The following NACC2 variants were observed in gnomAD, a reference collection of about 807,000 sequenced individuals.
The protein encoded by NACC2 is NACC family member 2.
NACC2 carries 8 observed loss-of-function variants against 25.1 expected under a neutral mutation model. The observed-to-expected ratio is 0.32, with a 90% CI of 0.19 to 0.57. The LOEUF is 0.57. Ranked by LOEUF, NACC2 falls within the 20% of genes least tolerant of loss-of-function variation. The pLI is 0.89. For missense variants in NACC2, 644 were observed against 650.2 expected (o/e 0.99, Z 0.10); for synonymous variants, 435 against 294.7 (o/e 1.48, Z -4.88).
Position 136,067,168 on chromosome 9 carries a change from C to T in NACC2, c.-59-16588G>A, listed in dbSNP as rs564914965. Among the ~76,000 whole-genome samples, 9 of 151,528 alleles carry T rather than the reference C, an allele frequency of 5.9e-5. No individual in the cohort carries two copies. In the South Asian group the frequency reaches 6.3e-4, roughly 11 times the overall value. On this transcript the variant is annotated intron_variant, in intron 1 of 5. Transcript: ENST00000277554. ...ACTCGGGAGGCTGAGGCAGGAGAATCGCTTGAACCCGGGAGGCGGACGTTG... is the reference window on the plus strand; with the variant it reads ...ACTCGGGAGGCTGAGGCAGGAGAATTGCTTGAACCCGGGAGGCGGACGTTG...
intron 2 of NACC2, among the ~76,000 whole-genome samples, chr9:136,029,822 G>C (rs1052993691): frequency 3.6e-4 from 55 of 152,180 alleles, no homozygotes; most frequent in African/African-American, 1.2e-3. Flanking sequence ...CCTGGAGCTT[G>C]CTCGCTCACA....
rs1159962317 is a variant in NACC2, at chr9:136,055,763, G to T, written c.-59-5183C>A. ...GTGGTAGAGGAAGGAGAGAGGCGGGGCACGGGAAACGTTCTGCGGAGGGGA... is the reference window on the plus strand; with the variant it reads ...GTGGTAGAGGAAGGAGAGAGGCGGGTCACGGGAAACGTTCTGCGGAGGGGA... On this transcript the variant is annotated intron_variant, in intron 1 of 5. Coordinates refer to ENST00000277554, the MANE Select transcript of NACC2 (RefSeq NM_144653.5). The surrounding 1 kb of genome is among the most constrained non-coding windows in gnomAD (Gnocchi z 4.9). 6.6e-6 allele frequency among the ~76,000 whole-genome samples: 1 copy of T among 152,210 alleles called. No homozygotes were observed. The highest frequency in any genetic ancestry group is 1.5e-5 in the Non-Finnish European group (1 of 68,030).
intron 5 of NACC2, among the ~76,000 whole-genome samples, chr9:136,012,821 G>A (rs1049556609): frequency 1.3e-5 from 2 of 152,368 alleles, no homozygotes; most frequent in East Asian, 3.9e-4. Flanking sequence ...CCTGGAGATG[G>A]ACCGGGCTCC....
intron 1 of NACC2, among the ~76,000 whole-genome samples, chr9:136,093,806 TGGCTGAGAGGTGGCGGGTGGGGCGGG>T (rs1830457426): frequency 1.2e-5 from 1 of 83,018 alleles, no homozygotes; most frequent in South Asian, 3.9e-4. Context: ...AAGGGGTGGG[TGGCTGAGAGGTGGCGGGTGGGGCGGG>T]GGCTGCCTGA....
chr9:136,056,324 G>A (rs930263345), intron 1 of NACC2, among the ~76,000 whole-genome samples: 4 of 148,948 alleles, frequency 2.7e-5, no homozygotes, highest in Admixed American at 2.0e-4. Context: ...CAGGGCCCTC[G>A]GCGGCCAGGA....
rs897977423 is a variant in NACC2 at position 136,019,595 on chromosome 9, T to G, written c.887-3166A>C. The G allele has an allele frequency of 2.0e-5, 3 of 152,024 alleles. No homozygotes were observed. Among genetic ancestry groups the G allele is most frequent in the African/African-American group, 7.3e-5 (3 of 41,342 alleles). The allele number at this position is 152,024 out of a possible 1,614,324, so 9.4% of individuals were successfully genotyped here. A position where few individuals can be genotyped will look rare whatever the true frequency, so the allele number is the denominator to read the frequency against. ...GAGCAATGAGCTAACTGCATGGAGG[T>G]GAACAACCGCGCCCCCACACAGGGA... On this transcript the variant is annotated intron_variant, in intron 2 of 5. Coordinates refer to ENST00000277554, the MANE Select transcript of NACC2 (RefSeq NM_144653.5). The surrounding 1 kb of genome is among the most constrained non-coding windows in gnomAD (Gnocchi z 5.2).
chr9:136,038,992 C>T (rs1357833128), intron 2 of NACC2, among the ~76,000 whole-genome samples: 4 of 152,160 alleles, frequency 2.6e-5, no homozygotes, highest in Non-Finnish European at 5.9e-5. Context: ...CTGAAAGTAA[C>T]AGCAAATGTA....
chr9:136,091,167 G>A (rs1264337062), intron 1 of NACC2, among the ~76,000 whole-genome samples: 9 of 152,162 alleles, frequency 5.9e-5, no homozygotes, highest in Non-Finnish European at 1.0e-4. Context: ...TTAAAGGGTA[G>A]TGAGCCTTAC....
At position 136,049,623 on chromosome 9, in the gene NACC2, C is replaced by G; in HGVS notation, c.886+13G>C. ...CCAGCCAGGTGGTGTGGGGCTCCAC[C>G]CCGCCGCGTTACCTGCATAGCTGCC... On this transcript the variant is annotated intron_variant, in intron 2 of 5. Coordinates refer to ENST00000277554, the MANE Select transcript of NACC2 (RefSeq NM_144653.5). 1 of 770,634 alleles carries G rather than the reference C, an allele frequency of 1.3e-6. No homozygotes were observed. The highest frequency in any genetic ancestry group is 2.4e-6 in the Non-Finnish European group (1 of 413,532). The allele number at this position is 770,634 out of a possible 1,614,324, so 47.7% of individuals were successfully genotyped here. A position where few individuals can be genotyped will look rare whatever the true frequency, so the allele number is the denominator to read the frequency against.
At chr9:136,037,997 ATAC>A (rs1210317861) in intron 2 of NACC2, among the ~76,000 whole-genome samples, 1 of 152,258 alleles carries the variant, frequency 6.6e-6, no homozygotes, top group Admixed American at 6.5e-5. Flanking sequence ...ATACAATGGA[ATAC>A]TACTTACTCA....
At chr9:136,091,499 C>T (rs909504102) in intron 1 of NACC2, among the ~76,000 whole-genome samples, 1 of 152,246 alleles carries the variant, frequency 6.6e-6, no homozygotes, top group African/African-American at 2.4e-5. Context: ...CCCTCCCCTA[C>T]TCAGACTAGC....
In NACC2 at chr9:136,013,133, C is replaced by A; in HGVS notation, c.1255+66G>T. On this transcript the variant is annotated intron_variant, in intron 5 of 5. Transcript: ENST00000277554. The surrounding 1 kb of genome is among the most constrained non-coding windows in gnomAD (Gnocchi z 6.6). ...GGAGCACCCCCGCGGCCCACCCAGT[C>A]CTCCTCAGGCTGGGATCTGAACCCA... The A allele has an allele frequency of 1.4e-6, 2 of 1,438,210 alleles. No homozygotes were observed. Among genetic ancestry groups the A allele is most frequent in the Admixed American group, 1.8e-5 (1 of 56,340 alleles). The allele number at this position is 1,438,210 out of a possible 1,614,324, so 89.1% of individuals were successfully genotyped here.
intron 1 of NACC2, among the ~76,000 whole-genome samples, chr9:136,063,903 AAAAC>A (rs1841047434): frequency 6.6e-6 from 1 of 151,794 alleles, no homozygotes; most frequent in South Asian, 2.1e-4. Flanking sequence ...AAAAACAAAA[AAAAC>A]AAAAATCACT....
intron 2 of NACC2, among the ~76,000 whole-genome samples, chr9:136,016,753 G>T (rs1840209232): frequency 1.3e-5 from 2 of 152,214 alleles, no homozygotes; most frequent in African/African-American, 2.4e-5. Flanking sequence ...TCCTAGGAGG[G>T]TGCTATGCAG....
At chr9:136,028,624 G>C (rs184259216) in intron 2 of NACC2, among the ~76,000 whole-genome samples, 122 of 152,290 alleles carry the variant, frequency 8.0e-4, no homozygotes, top group Admixed American at 2.2e-3. Context: ...CAGGAGCCGG[G>C]AACAGGTAGA....
intron 2 of NACC2, among the ~76,000 whole-genome samples, chr9:136,033,315 AAAAC>A (rs1252472120): frequency 6.6e-6 from 1 of 152,194 alleles, no homozygotes; most frequent in Non-Finnish European, 1.5e-5. Flanking sequence ...AGACATGAAA[AAAAC>A]AAAGTTAAGT....
intron 2 of NACC2, among the ~76,000 whole-genome samples, chr9:136,024,225 C>G (rs1399847753): frequency 1.0e-4 from 1 of 9,696 alleles, no homozygotes; most frequent in Non-Finnish European, 2.1e-4. Context: ...TGTGTGAGGA[C>G]AGAGGGTGTG....
At chr9:136,081,105 T>C (rs1052631779) in intron 1 of NACC2, among the ~76,000 whole-genome samples, 1 of 152,090 alleles carries the variant, frequency 6.6e-6, no homozygotes, top group Non-Finnish European at 1.5e-5. Flanking sequence ...GTTTCCCATA[T>C]TTCTCGTAAC....
At chr9:136,050,655 C>G (rs1305963992) in intron 1 of NACC2, 75 bp from the exon 2 acceptor site, 1 of 656,492 alleles carries the variant, frequency 1.5e-6, no homozygotes. Flanking sequence ...TTCCCACCCC[C>G]TCCTCCCCCG....
Sources: gnomAD v4.1 joint callset for allele counts (sites outside exome capture counted in the v4.1 genomes callset) on GRCh38, gnomAD v4.1.1 for gene constraint, Gnocchi (gnomAD v3.1) non-coding constraint, MANE v1.5 for transcripts, NCBI Gene and HGNC (gene_info 2026-07-23, HGNC 2026-07-21) for gene names.